PYY: variants seen among roughly 807,000 people sequenced by gnomAD.
PYY encodes peptide tyrosine tyrosine.
PYY carries 12 observed loss-of-function variants against 10.3 expected under a neutral mutation model. That is an observed-to-expected ratio of 1.17 (90% CI 0.75 to 1.89). The LOEUF is 1.89. Ranked by LOEUF, PYY falls within the 40% of genes most tolerant of loss-of-function variation. PYY has a pLI of 0.00. For synonymous variants in PYY, 66 were observed against 62.0 expected (o/e 1.06, Z -0.30); for missense variants, 141 against 134.0 (o/e 1.05, Z -0.26).
At chr17:43,971,800 G>A (rs1049995187) in intron 1 of PYY, among the ~76,000 whole-genome samples, 9 of 151,648 alleles carry the variant, frequency 5.9e-5, no homozygotes, top group African/African-American at 9.7e-5. Context: ...CTTTCAGTCC[G>A]TAGCTGGTTT....
upstream of PYY, among the ~76,000 whole-genome samples, chr17:43,957,149 G>T (rs1463771872): frequency 2.7e-5 from 4 of 146,240 alleles, no homozygotes; most frequent in Non-Finnish European, 5.9e-5. Flanking sequence ...AGTGAGCCAA[G>T]ATCGCGCCAC....
rs1406282088 is a variant in PYY at position 43,975,725 on chromosome 17, A to AAAT, written c.-462-9194_-462-9193insATT. Among the ~76,000 whole-genome samples the AAAT allele has an allele frequency of 2.5e-4, 21 of 83,770 alleles. 4 individuals carry two copies. Among genetic ancestry groups the AAAT allele is most frequent in the Non-Finnish European group, 3.8e-4 (19 of 50,242 alleles). 55.0% of individuals were successfully genotyped at this position (83,770 alleles called of 152,430 possible). The stretch of plus-strand genomic sequence containing the variant: ...CAGGAGTAAGACCCTGAAAAAAAAA[A>AAAT]ATATATATATATATATATATACACA... On this transcript the variant is annotated intron_variant, in intron 1 of 6. Transcript: ENST00000360085.
At chr17:43,953,531 C>T (rs754911909) in intron 1 of PYY, 48 bp from the exon 2 acceptor site, 3 of 1,496,152 alleles carry the variant, frequency 2.0e-6, no homozygotes, top group Non-Finnish European at 1.8e-6. Context: ...CTCGACCCTA[C>T]ACGGCGGGAG....
chr17:43,995,577 TAATCCCAG>T (rs1356479235), intron 1 of PYY, among the ~76,000 whole-genome samples: 21 of 152,320 alleles, frequency 1.4e-4, no homozygotes, highest in Non-Finnish European at 2.1e-4. Context: ...CTCACGCCTG[TAATCCCAG>T]TGCTTTGGGA....
Position 43,968,450 on chromosome 17 carries a change from A to C in PYY, c.-462-1918T>G, listed in dbSNP as rs576465125. Among the ~76,000 whole-genome samples the C allele has an allele frequency of 4.6e-5, 7 of 152,320 alleles. No individual in the cohort carries two copies. The East Asian group carries it at 1.4e-3, about 29-fold the overall frequency. ...ATTACCCTGAGACCAAAATGAAACA[A>C]AGATATTGTAAGAAAAAAAAACTAC... On this transcript the variant is annotated intron_variant, in intron 1 of 6. Transcript: ENST00000360085.
intron 1 of PYY, among the ~76,000 whole-genome samples, chr17:43,969,909 A>G (rs1304625439): frequency 1.3e-5 from 2 of 151,610 alleles, no homozygotes; most frequent in Non-Finnish European, 2.9e-5. Context: ...CACCCGGCTA[A>G]TTTTTTGTAT....
chr17:43,959,396 A>T (rs1219292867), intron 2 of PYY, among the ~76,000 whole-genome samples: 1 of 152,232 alleles, frequency 6.6e-6, no homozygotes, highest in Admixed American at 6.5e-5. Flanking sequence ...AAAAACCAAT[A>T]AAAATAGGCT....
rs869055170 is a variant in PYY at position 44,003,666 on chromosome 17, CAAACAAAAAAAAA to C, written c.-463+712_-463+724del. ...TGGGACTCCATCTCAAACAAACAAACAAACAAAAAAAAAAAAAAAAAAAAGGGTTACAGAGGTC... is the reference window on the plus strand; with the variant it reads ...TGGGACTCCATCTCAAACAAACAAACAAAAAAAAAAAGGGTTACAGAGGTC... On this transcript the variant is annotated intron_variant, in intron 1 of 6. Coordinates refer to the PYY transcript ENST00000360085. 3.3e-4 allele frequency among the ~76,000 whole-genome samples: 19 copies of C among 57,912 alleles called. 1 individual carries two copies. The highest frequency in any genetic ancestry group is 1.0e-3 in the African/African-American group (17 of 16,686). 38.0% of individuals were successfully genotyped at this position (57,912 alleles called of 152,430 possible).
chr17:43,952,896 A>G lies in PYY; in HGVS notation c.*60T>C. The G allele has an allele frequency of 1.3e-6, 2 of 1,487,836 alleles. No individual in the cohort carries two copies. Among genetic ancestry groups the G allele is most frequent in the African/African-American group, 2.9e-5 (2 of 69,270 alleles). The allele number at this position is 1,487,836 out of a possible 1,614,324, so 92.2% of individuals were successfully genotyped here. On this transcript the variant is annotated 3_prime_UTR_variant, in exon 4 of 4. Transcript: ENST00000692052. ...CAGAATCCGGGTTTCTGGGGTCGGGAGTGCGTATGCAAATGACGTGGGCGT... is the reference window on the plus strand; with the variant it reads ...CAGAATCCGGGTTTCTGGGGTCGGGGGTGCGTATGCAAATGACGTGGGCGT...
chr17:43,984,268 C>G (rs993120122), intron 1 of PYY, among the ~76,000 whole-genome samples: 5 of 152,226 alleles, frequency 3.3e-5, no homozygotes, highest in Non-Finnish European at 7.3e-5. Context: ...GAACCCGGTG[C>G]CCTGTCGGTC....
intron 1 of PYY, among the ~76,000 whole-genome samples, chr17:43,995,596 G>A (rs532288929): frequency 6.6e-6 from 1 of 152,326 alleles, no homozygotes; most frequent in Non-Finnish European, 1.5e-5. Context: ...TGCTTTGGGA[G>A]GCCCAGGTGG....
At chr17:43,984,471 C>G (rs960098292) in intron 1 of PYY, among the ~76,000 whole-genome samples, 33 of 152,348 alleles carry the variant, frequency 2.2e-4, no homozygotes, top group African/African-American at 7.2e-4. Flanking sequence ...AGCATGACTG[C>G]CATCTGCTTT....
intron 1 of PYY, among the ~76,000 whole-genome samples, chr17:43,984,518 C>A (rs948951451): frequency 2.0e-4 from 30 of 152,202 alleles, no homozygotes; most frequent in African/African-American, 7.2e-4. Context: ...CGCACTGTTT[C>A]CCCCATTTCG....
intron 2 of PYY, among the ~76,000 whole-genome samples, chr17:43,963,592 A>AAG (rs1472729024): frequency 1.2e-5 from 1 of 83,644 alleles, no homozygotes; most frequent in Non-Finnish European, 2.7e-5. Context: ...GAAAGAAAGA[A>AAG]AGAAAGAAAG....
At chr17:43,995,322 C>T (rs1433480388) in intron 1 of PYY, among the ~76,000 whole-genome samples, 3 of 152,074 alleles carry the variant, frequency 2.0e-5, no homozygotes, top group Non-Finnish European at 1.5e-5. Flanking sequence ...ATTAGTTAAC[C>T]GTTTTTGTTT....
intron 1 of PYY, among the ~76,000 whole-genome samples, chr17:43,998,007 C>T (rs528559683): frequency 9.2e-5 from 14 of 152,128 alleles, no homozygotes; most frequent in South Asian, 8.3e-4. Context: ...GGCAAGATCT[C>T]GTCTCACTGG....
intron 2 of PYY, 45 bp from the exon 3 acceptor site, chr17:43,953,234 C>A (rs775991700): frequency 6.2e-7 from 1 of 1,610,474 alleles, no homozygotes; most frequent in South Asian, 1.1e-5. Context: ...TGGCCACGCC[C>A]CCAGGTGGAG....
intron 1 of PYY, among the ~76,000 whole-genome samples, chr17:43,974,387 C>A (rs1311944643): frequency 6.6e-6 from 1 of 151,864 alleles, no homozygotes; most frequent in Non-Finnish European, 1.5e-5. Context: ...ACGCAGGCAC[C>A]TTTGGAGGGA....
At chr17:43,965,085 A>G (rs560177003) in intron 2 of PYY, among the ~76,000 whole-genome samples, 6 of 152,358 alleles carry the variant, frequency 3.9e-5, no homozygotes, top group South Asian at 2.1e-4. Flanking sequence ...TGAAACCAAT[A>G]GCAATGAACA....
Sources: allele counts gnomAD v4.1 joint callset (sites outside exome capture counted in the v4.1 genomes callset), GRCh38; gene constraint gnomAD v4.1.1; transcripts MANE v1.5; gene names NCBI Gene and HGNC (gene_info 2026-07-23, HGNC 2026-07-21).